SRGAP1: variants seen among roughly 807,000 people sequenced by gnomAD.
SRGAP1 encodes SLIT-ROBO Rho GTPase activating protein 1.
In SRGAP1, 43 loss-of-function variants were observed where a neutral mutation model predicts 121.9. The observed-to-expected ratio is 0.35, with a 90% CI of 0.28 to 0.46. The LOEUF is 0.46. SRGAP1 is among the 20% of genes least tolerant of loss of function. The pLI, the probability that SRGAP1 is intolerant of heterozygous loss-of-function variation, is 1.00. For synonymous variants in SRGAP1, 447 were observed against 485.4 expected (o/e 0.92, Z 1.04); for missense variants, 1,102 against 1,350.9 (o/e 0.82, Z 2.89).
intron 10 of SRGAP1, among the ~76,000 whole-genome samples, chr12:64,083,282 GTA>G (rs1351532728): frequency 6.6e-6 from 1 of 152,142 alleles, no homozygotes; most frequent in Non-Finnish European, 1.5e-5. Flanking sequence ...CCTCTCTGAA[GTA>G]TACTAGACTC....
At chr12:64,012,046 A>C (rs1324101609) in intron 3 of SRGAP1, among the ~76,000 whole-genome samples, 1 of 151,776 alleles carries the variant, frequency 6.6e-6, no homozygotes, top group East Asian at 1.9e-4. Flanking sequence ...TAGGTGACAG[A>C]GGGAGACCCT....
intron 1 of SRGAP1, among the ~76,000 whole-genome samples, chr12:63,866,734 CTTTTTTTTTTT>C (rs1486227627): frequency 1.5e-5 from 2 of 137,444 alleles, no homozygotes; most frequent in Non-Finnish European, 3.2e-5. Context: ...TTTTTTTTTT[CTTTTTTTTTTT>C]GCTCAACAAT....
At chr12:64,003,207 C>T (rs2033962278) in intron 3 of SRGAP1, among the ~76,000 whole-genome samples, 2 of 152,050 alleles carry the variant, frequency 1.3e-5, no homozygotes, top group African/African-American at 4.8e-5. Flanking sequence ...CCACCTCAGC[C>T]TCCCAAGTAG....
At chr12:63,895,254 T>C (rs143803008) in intron 1 of SRGAP1, among the ~76,000 whole-genome samples, 1 of 152,322 alleles carries the variant, frequency 6.6e-6, no homozygotes, top group Non-Finnish European at 1.5e-5. Context: ...TTCTGATCAA[T>C]AGCTTATCTC....
chr12:63,959,484 A>G (rs1356785926), intron 1 of SRGAP1, among the ~76,000 whole-genome samples: 1 of 152,212 alleles, frequency 6.6e-6, no homozygotes, highest in East Asian at 1.9e-4. Flanking sequence ...GGCACTGATC[A>G]TGAATATTTA....
chr12:63,976,076 C>G (rs2033085174), intron 1 of SRGAP1, among the ~76,000 whole-genome samples: 1 of 151,998 alleles, frequency 6.6e-6, no homozygotes. Context: ...CAATTTTTGC[C>G]CACTGATGCT....
chr12:63,997,153 A>C (rs2033735796), intron 3 of SRGAP1, among the ~76,000 whole-genome samples: 1 of 152,168 alleles, frequency 6.6e-6, no homozygotes, highest in Non-Finnish European at 1.5e-5. Flanking sequence ...ATCTAAACAC[A>C]GAAAAAGGTA....
At chr12:63,895,704 A>G (rs1049743722) in intron 1 of SRGAP1, among the ~76,000 whole-genome samples, 2 of 152,204 alleles carry the variant, frequency 1.3e-5, no homozygotes, top group Admixed American at 6.5e-5. Context: ...TACATCTCCT[A>G]CAATGTCCGT....
intron 1 of SRGAP1, among the ~76,000 whole-genome samples, chr12:63,958,118 TG>T (rs1262137955): frequency 1.3e-5 from 2 of 152,332 alleles, no homozygotes; most frequent in East Asian, 3.9e-4. Context: ...ATGAGGGGAC[TG>T]AGTTTTTCCA....
At chr12:64,132,266 G>A (rs2036797195) in intron 21 of SRGAP1, among the ~76,000 whole-genome samples, 1 of 152,180 alleles carries the variant, frequency 6.6e-6, no homozygotes, top group South Asian at 2.1e-4. Context: ...ATGGGGGCCT[G>A]CCAAAGGCTC....
At position 64,094,925 on chromosome 12, in the gene SRGAP1, T is replaced by C; in HGVS notation, c.1540-7T>C. On this transcript the variant is annotated splice_region_variant and splice_polypyrimidine_tract_variant and intron_variant, in intron 12 of 21. Coordinates refer to ENST00000355086, the MANE Select transcript of SRGAP1 (RefSeq NM_020762.4). Reference sequence around the variant, plus strand: ...TGAGGTTAACTGGTTTCCATCCCTTTACCCAGGACTCAGGACAGGTTATTC... The same window carrying C: ...TGAGGTTAACTGGTTTCCATCCCTTCACCCAGGACTCAGGACAGGTTATTC... 1 of 1,613,972 alleles carries C rather than the reference T, an allele frequency of 6.2e-7. No homozygotes were observed. Among genetic ancestry groups the C allele is most frequent in the South Asian group, 1.1e-5 (1 of 91,060 alleles).
At chr12:64,069,529 G>C (rs189771948) in intron 8 of SRGAP1, among the ~76,000 whole-genome samples, 105 of 152,300 alleles carry the variant, frequency 6.9e-4, no homozygotes, top group Non-Finnish European at 1.1e-3. Flanking sequence ...ATATTCATTA[G>C]TGCCCACTGT....
chr12:63,965,480 A>G (rs983784710), intron 1 of SRGAP1, among the ~76,000 whole-genome samples: 1 of 152,074 alleles, frequency 6.6e-6, no homozygotes, highest in South Asian at 2.1e-4. Context: ...ATAAAAAGTT[A>G]TTTTTTTATT....
At chr12:63,846,751 C>G (rs879587025) in intron 1 of SRGAP1, among the ~76,000 whole-genome samples, 1 of 152,178 alleles carries the variant, frequency 6.6e-6, no homozygotes, top group Non-Finnish European at 1.5e-5. Flanking sequence ...TTTACCTCCT[C>G]CTGCAGTACC....
At chr12:63,893,946 C>G (rs1018678500) in intron 1 of SRGAP1, among the ~76,000 whole-genome samples, 3 of 152,208 alleles carry the variant, frequency 2.0e-5, no homozygotes, top group Admixed American at 6.5e-5. Context: ...TCAAGTGATT[C>G]TCCTGCCTCG....
intron 11 of SRGAP1, 102 bp downstream of exon 11, chr12:64,087,128 C>A: frequency 1.1e-6 from 1 of 885,576 alleles, no homozygotes; most frequent in Non-Finnish European, 1.7e-6. Flanking sequence ...TTAATGAATA[C>A]GGGAGATAGT....
intron 18 of SRGAP1, among the ~76,000 whole-genome samples, chr12:64,123,804 C>A (rs983048326): frequency 6.6e-6 from 1 of 151,672 alleles, no homozygotes; most frequent in African/African-American, 2.4e-5. Context: ...AGCCACTGCA[C>A]CCAGCCACTA....
At position 64,153,287 on chromosome 12, in the gene SRGAP1, A is replaced by G. The variant is rs150229643; in HGVS notation, c.*10615A>G. 237 of 152,238 alleles carry G rather than the reference A, an allele frequency of 1.6e-3. 2 individuals carry two copies. In the East Asian group the frequency reaches 0.043, roughly 27 times the overall value. 9.4% of individuals were successfully genotyped at this position (152,238 alleles called of 1,614,324 possible). A position where few individuals can be genotyped will look rare whatever the true frequency, so the allele number is the denominator to read the frequency against. ...AAAATAAAGGCCAGAATGTGGACAG[A>G]GATCAGATTTTGGAGGCCAAAGTAA... On this transcript the variant is annotated 3_prime_UTR_variant, in exon 22 of 22. Coordinates refer to ENST00000355086, the MANE Select transcript of SRGAP1 (RefSeq NM_020762.4).
At position 64,147,212 on chromosome 12, in the gene SRGAP1, G is replaced by T; in HGVS notation, c.*4540G>T. Reference sequence around the variant, plus strand: ...CAGTATTGTCCTTTCCTGTCGGTTTGATCAATTGCGGTACCGGTAGCTTCC... The same window carrying T: ...CAGTATTGTCCTTTCCTGTCGGTTTTATCAATTGCGGTACCGGTAGCTTCC... On this transcript the variant is annotated 3_prime_UTR_variant, in exon 22 of 22. Coordinates refer to ENST00000355086, the MANE Select transcript of SRGAP1 (RefSeq NM_020762.4). 1 of 332,508 alleles carries T rather than the reference G, an allele frequency of 3.0e-6. No homozygotes were observed. Among genetic ancestry groups the T allele is most frequent in the Middle Eastern group, 7.8e-4 (1 of 1,282 alleles). 20.6% of individuals were successfully genotyped at this position (332,508 alleles called of 1,614,324 possible).
Sources: allele counts gnomAD v4.1 joint callset (sites outside exome capture counted in the v4.1 genomes callset), GRCh38; gene constraint gnomAD v4.1.1; transcripts MANE v1.5; gene names NCBI Gene and HGNC (gene_info 2026-07-23, HGNC 2026-07-21).